Variants in TBXAS1 observed in about 807,000 individuals in gnomAD.
TBXAS1 encodes the protein thromboxane-A synthase.
Under a neutral mutation model 60.7 loss-of-function variants are expected in TBXAS1, and 48 were observed. The observed-to-expected ratio is 0.79, with a 90% CI of 0.63 to 1.01. The LOEUF is 1.01. TBXAS1 is among the 50% of genes least tolerant of loss of function. TBXAS1 has a pLI of 0.00. For synonymous variants in TBXAS1, 287 were observed against 269.7 expected, an observed-to-expected ratio of 1.06 and a Z score of -0.63; for missense variants, 685 against 686.3, an observed-to-expected ratio of 1.00 and a Z score of 0.02.
chr7:139,905,005 C>CTT (rs1285874660), intron 3 of TBXAS1, among the ~76,000 whole-genome samples: 1,386 of 90,428 alleles, frequency 0.015, 33 homozygotes, highest in African/African-American at 0.02. Context: ...CTCTCTTTCT[C>CTT]TCTTTCTTTC....
intron 4 of TBXAS1, among the ~76,000 whole-genome samples, chr7:139,912,268 A>C (rs1323273321): frequency 6.6e-6 from 1 of 152,044 alleles, no homozygotes; most frequent in Non-Finnish European, 1.5e-5. Flanking sequence ...AATAAATAAA[A>C]GAAATAAAGA....
At chr7:139,935,215 T>C (rs1010676437) in intron 4 of TBXAS1, among the ~76,000 whole-genome samples, 1 of 152,250 alleles carries the variant, frequency 6.6e-6, no homozygotes, top group African/African-American at 2.4e-5. Flanking sequence ...CCAAAATTTG[T>C]GGATGCTTAA....
chr7:139,886,315 A>C (rs1487469570), intron 3 of TBXAS1, among the ~76,000 whole-genome samples: 1 of 151,968 alleles, frequency 6.6e-6, no homozygotes, highest in Admixed American at 6.6e-5. Flanking sequence ...CCTATTTATA[A>C]AGGTCTGACT....
chr7:139,820,868 G>A (rs1798278161), intron 4 of TBXAS1, among the ~76,000 whole-genome samples: 1 of 152,144 alleles, frequency 6.6e-6, no homozygotes, highest in African/African-American at 2.4e-5. Context: ...TCAATCAGGA[G>A]ATGGCTGCAA....
chr7:139,781,585 A>T (rs1410619614), intron 2 of TBXAS1, among the ~76,000 whole-genome samples: 1 of 152,150 alleles, frequency 6.6e-6, no homozygotes, highest in Non-Finnish European at 1.5e-5. Flanking sequence ...TAATCCCAGC[A>T]CTTTGGGAGG....
rs141972810 is a variant in TBXAS1 at position 139,924,770 on chromosome 7, T to C, written c.334-11421T>C. Among the ~76,000 whole-genome samples, 119 of 152,362 alleles carry C rather than the reference T, an allele frequency of 7.8e-4. No individual in the cohort carries two copies. The East Asian group carries it at 0.018, about 24-fold the overall frequency. ...AGATATTTTCTCAAGTGTTTTCTTT[T>C]AGTAATTTCATAGTTTGAGGACTCA... is the stretch of plus-strand genomic sequence containing the variant. On this transcript the variant is annotated intron_variant, in intron 4 of 12. Transcript: ENST00000448866.
At chr7:139,832,921 C>A (rs955095505) in intron 1 of TBXAS1, among the ~76,000 whole-genome samples, 6 of 152,132 alleles carry the variant, frequency 3.9e-5, no homozygotes, top group Non-Finnish European at 8.8e-5. Flanking sequence ...GAGAGAATTG[C>A]CATTACTAGG....
chr7:139,981,267 C>A (rs535276704), intron 9 of TBXAS1, among the ~76,000 whole-genome samples: 1 of 152,230 alleles, frequency 6.6e-6, no homozygotes, highest in African/African-American at 2.4e-5. Context: ...ACCACCCATG[C>A]CCCATGCCCG....
rs779341290 is a variant in TBXAS1, at chr7:140,011,289, C to CA, written c.1226+4110dup. On this transcript the variant is annotated intron_variant, in intron 10 of 12. Transcript: ENST00000448866. ...GAGACTCTGTCTCAAAAAAAACAAA[C>CA]AAACAAACAAACAAAAAAAACAGTC... Among the ~76,000 whole-genome samples the CA allele has an allele frequency of 8.2e-3, 1,070 of 130,822 alleles. 10 individuals are homozygous for CA. Among genetic ancestry groups the CA allele is most frequent in the Non-Finnish European group, 0.012 (791 of 63,932 alleles). 85.8% of individuals were successfully genotyped at this position (130,822 alleles called of 152,430 possible). A position where few individuals can be genotyped will look rare whatever the true frequency, so the allele number is the denominator to read the frequency against.
chr7:139,958,722 T>G (rs1000906040), intron 8 of TBXAS1, among the ~76,000 whole-genome samples: 6 of 152,200 alleles, frequency 3.9e-5, no homozygotes, highest in Admixed American at 1.3e-4. Flanking sequence ...CCCGGAGAAC[T>G]GTGCAGCAAA....
At chr7:139,926,935 T>C (rs1210971433) in intron 4 of TBXAS1, among the ~76,000 whole-genome samples, 1 of 151,980 alleles carries the variant, frequency 6.6e-6, no homozygotes, top group Non-Finnish European at 1.5e-5. Context: ...TTGGAAATTG[T>C]ATAGTTTCCA....
chr7:139,781,813 G>C (rs2117218959), intron 2 of TBXAS1, among the ~76,000 whole-genome samples: 1 of 130,432 alleles, frequency 7.7e-6, no homozygotes, highest in East Asian at 2.3e-4. Flanking sequence ...CTCTAGCCTA[G>C]GCAACAAGAG....
At position 139,952,556 on chromosome 7, in the gene TBXAS1, C is replaced by G. The variant is rs148763147; in HGVS notation, c.451-812C>G. 293 of 1,536,700 alleles carry G rather than the reference C, an allele frequency of 1.9e-4. 2 individuals are homozygous for G. The Middle Eastern group carries it at 3.2e-3, about 17-fold the overall frequency. On this transcript the variant is annotated intron_variant, in intron 5 of 12. Transcript: ENST00000448866. ...ATTCTGCTCGATATTTTCAGCTTGG[C>G]CTTTTAATCATGCAAGAGAGAATAA...
chr7:139,779,287 C>A (rs1046152813), intron 1 of TBXAS1, among the ~76,000 whole-genome samples: 1 of 152,202 alleles, frequency 6.6e-6, no homozygotes, highest in African/African-American at 2.4e-5. Context: ...CCAAAAAAGG[C>A]AAGCTCTTTC....
intron 5 of TBXAS1, among the ~76,000 whole-genome samples, chr7:139,946,486 G>T (rs1203527425): frequency 1.3e-5 from 2 of 152,186 alleles, no homozygotes; most frequent in Non-Finnish European, 2.9e-5. Flanking sequence ...CCATATTCCA[G>T]GTGACAAGTA....
intron 3 of TBXAS1, among the ~76,000 whole-genome samples, chr7:139,881,607 T>C (rs1301024178): frequency 6.6e-6 from 1 of 152,208 alleles, no homozygotes; most frequent in Non-Finnish European, 1.5e-5. Context: ...CTGCACTGAA[T>C]ATCCTCGTTT....
chr7:139,991,850 G>A (rs906627694), intron 9 of TBXAS1, among the ~76,000 whole-genome samples: 1 of 152,226 alleles, frequency 6.6e-6, no homozygotes, highest in African/African-American at 2.4e-5. Context: ...GAGAGCACGG[G>A]CAGCTCTCTA....
chr7:139,867,468 C>T (rs1390378939), intron 1 of TBXAS1, among the ~76,000 whole-genome samples: 1 of 152,178 alleles, frequency 6.6e-6, no homozygotes, highest in Non-Finnish European at 1.5e-5. Flanking sequence ...ACCAATTTAT[C>T]AGAAGTGGCT....
intron 4 of TBXAS1, among the ~76,000 whole-genome samples, chr7:139,790,245 A>C (rs755865692): frequency 4.6e-5 from 7 of 152,232 alleles, no homozygotes; most frequent in Non-Finnish European, 8.8e-5. Flanking sequence ...ATTAGTTTAA[A>C]ATGCAAGTAG....
Sources: allele counts gnomAD v4.1 joint callset (sites outside exome capture counted in the v4.1 genomes callset), GRCh38; gene constraint gnomAD v4.1.1; transcripts MANE v1.5; gene names NCBI Gene and HGNC (gene_info 2026-07-23, HGNC 2026-07-21).